CNTNAP2: variants seen among roughly 807,000 people sequenced by gnomAD.
CNTNAP2 encodes contactin-associated protein-like 2.
In CNTNAP2, 98 loss-of-function variants were observed where a neutral mutation model predicts 155.2. The observed-to-expected ratio is 0.63, with a 90% CI of 0.54 to 0.75. The LOEUF is 0.75. Among genes scored for constraint, CNTNAP2 ranks in the 30% least tolerant of loss-of-function variants. CNTNAP2 has a pLI of 0.00. For missense variants in CNTNAP2, 1,727 were observed against 1,688.1 expected (o/e 1.02, Z -0.40); for synonymous variants, 651 against 631.2 (o/e 1.03, Z -0.47).
chr7:148,085,694 C>CCCTT (rs370800555), intron 15 of CNTNAP2, among the ~76,000 whole-genome samples: 2,012 of 150,986 alleles, frequency 0.013, 15 homozygotes, highest in African/African-American at 0.017. Flanking sequence ...TTTTCTCTTT[C>CCCTT]CCTTCCTTCC....
chr7:147,262,766 A>C (rs936526520), intron 8 of CNTNAP2, among the ~76,000 whole-genome samples: 5 of 152,202 alleles, frequency 3.3e-5, no homozygotes, highest in Non-Finnish European at 7.3e-5. Context: ...AGATCGCGCC[A>C]CTGCACTCCA....
chr7:147,184,201 C>T (rs1450061673), intron 8 of CNTNAP2, among the ~76,000 whole-genome samples: 1 of 152,052 alleles, frequency 6.6e-6, no homozygotes. Context: ...TTCAAAGATA[C>T]ATAGGAAATA....
chr7:148,085,502 A>G (rs1803707032), intron 15 of CNTNAP2, among the ~76,000 whole-genome samples: 1 of 152,100 alleles, frequency 6.6e-6, no homozygotes, highest in African/African-American at 2.4e-5. Flanking sequence ...TAACCCCTCT[A>G]AGTGCTGTAT....
intron 12 of CNTNAP2, among the ~76,000 whole-genome samples, chr7:147,595,802 A>G (rs1215969107): frequency 1.3e-5 from 2 of 152,184 alleles, no homozygotes; most frequent in Non-Finnish European, 1.5e-5. Flanking sequence ...GAGGTTGGTG[A>G]CTATGCAGTA....
chr7:147,177,007 A>G (rs1194942719), intron 8 of CNTNAP2, among the ~76,000 whole-genome samples: 2 of 141,080 alleles, frequency 1.4e-5, no homozygotes, highest in Non-Finnish European at 3.0e-5. Context: ...ATCTATAATT[A>G]TATATAATTC....
rs557690348 is a variant in CNTNAP2, at chr7:148,311,406, G to A, written c.3475+44280G>A. ...GGAGAGAATGAGTAAGGTTGATAGC[G>A]TGGTGGAGATAGCTGGGGAGAGGTA... On this transcript the variant is annotated intron_variant, in intron 21 of 23. Transcript: ENST00000361727. Among the ~76,000 whole-genome samples, 5 of 152,240 alleles carry A rather than the reference G, an allele frequency of 3.3e-5. 1 individual carries two copies. The highest frequency in any genetic ancestry group is 4.1e-4 in the South Asian group (2 of 4,820).
intron 18 of CNTNAP2, among the ~76,000 whole-genome samples, chr7:148,198,115 T>C (rs1442409939): frequency 6.6e-6 from 1 of 152,200 alleles, no homozygotes; most frequent in Non-Finnish European, 1.5e-5. Flanking sequence ...CTGAGAAGCC[T>C]GAGGGTGGCT....
intron 1 of CNTNAP2, among the ~76,000 whole-genome samples, chr7:146,433,802 C>T (rs1796204816): frequency 6.6e-6 from 1 of 152,102 alleles, no homozygotes; most frequent in Admixed American, 6.6e-5. Flanking sequence ...AGAACTCCGT[C>T]ATGATATGTT....
chr7:146,841,179 T>C (rs1157431949), intron 3 of CNTNAP2, among the ~76,000 whole-genome samples: 2 of 152,170 alleles, frequency 1.3e-5, no homozygotes, highest in Non-Finnish European at 2.9e-5. Flanking sequence ...GGCTTTGGGA[T>C]TTTAAAGCTC....
chr7:147,285,437 A>G (rs1805155168), intron 8 of CNTNAP2, among the ~76,000 whole-genome samples: 1 of 152,010 alleles, frequency 6.6e-6, no homozygotes, highest in African/African-American at 2.4e-5. Flanking sequence ...TTAATCATAC[A>G]TACTATTTTA....
intron 21 of CNTNAP2, among the ~76,000 whole-genome samples, chr7:148,366,961 G>A (rs1204658641): frequency 6.6e-5 from 10 of 152,188 alleles, no homozygotes. Flanking sequence ...AGCTGTGCGC[G>A]GTGGCTCACG....
At chr7:146,389,084 A>T (rs907746756) in intron 1 of CNTNAP2, among the ~76,000 whole-genome samples, 2 of 152,198 alleles carry the variant, frequency 1.3e-5, no homozygotes, top group African/African-American at 4.8e-5. Context: ...AAGTTTACTC[A>T]TCCTATCTGT....
chr7:146,485,943 A>G (rs974826886), intron 1 of CNTNAP2, among the ~76,000 whole-genome samples: 1 of 151,970 alleles, frequency 6.6e-6, no homozygotes, highest in Non-Finnish European at 1.5e-5. Context: ...TTTAATCTTC[A>G]TAAAAATATG....
chr7:146,927,775 G>A (rs1229058098), intron 3 of CNTNAP2, among the ~76,000 whole-genome samples: 1 of 151,714 alleles, frequency 6.6e-6, no homozygotes, highest in Non-Finnish European at 1.5e-5. Flanking sequence ...GTGTGTGTGT[G>A]TTTGTGTGTG....
At chr7:146,599,741 C>G (rs373981416) in intron 1 of CNTNAP2, among the ~76,000 whole-genome samples, 2 of 40,478 alleles carry the variant, frequency 4.9e-5, no homozygotes, top group African/African-American at 1.1e-4. Context: ...AGACGACAGA[C>G]AGAGATAGAT....
intron 11 of CNTNAP2, among the ~76,000 whole-genome samples, chr7:147,504,359 A>G (rs982638550): frequency 3.3e-5 from 5 of 152,098 alleles, no homozygotes; most frequent in African/African-American, 1.2e-4. Flanking sequence ...CATTTATTCT[A>G]GCTACCTCAT....
intron 1 of CNTNAP2, among the ~76,000 whole-genome samples, chr7:146,515,467 T>A (rs58536436): frequency 0.012 from 1,769 of 152,224 alleles, 30 homozygotes; most frequent in Middle Eastern, 0.065. Flanking sequence ...GCCTAAGTTT[T>A]GAGTTTTGGG....
intron 10 of CNTNAP2, among the ~76,000 whole-genome samples, chr7:147,408,403 C>A (rs1412303110): frequency 6.6e-6 from 1 of 152,168 alleles, no homozygotes; most frequent in African/African-American, 2.4e-5. Flanking sequence ...TAGGTTCTTT[C>A]ACAGACTGGC....
intron 11 of CNTNAP2, among the ~76,000 whole-genome samples, chr7:147,524,851 C>T (rs1339878611): frequency 6.6e-6 from 1 of 152,180 alleles, no homozygotes; most frequent in African/African-American, 2.4e-5. Flanking sequence ...ACAATGACAC[C>T]AGGACCAGTA....
Sources: allele counts gnomAD v4.1 joint callset (sites outside exome capture counted in the v4.1 genomes callset), GRCh38; gene constraint gnomAD v4.1.1; transcripts MANE v1.5; gene names NCBI Gene and HGNC (gene_info 2026-07-23, HGNC 2026-07-21).